Variants in WDFY4 observed in about 807,000 individuals in gnomAD.
The protein encoded by WDFY4 is WDFY family member 4, also known as WD repeat- and FYVE domain-containing protein 4.
WDFY4 carries 169 observed loss-of-function variants against 351.9 expected under a neutral mutation model. The observed-to-expected ratio is 0.48, with a 90% CI of 0.42 to 0.55. WDFY4 has a LOEUF of 0.55. WDFY4 is among the 20% of genes least tolerant of loss of function. WDFY4 has a pLI of 0.00. For synonymous variants in WDFY4, 1,622 were observed against 1,574.6 expected (o/e 1.03, Z -0.71); for missense variants, 3,803 against 3,935.6 (o/e 0.97, Z 0.90).
chr10:48,731,757 G>C (rs2064467929), intron 9 of WDFY4, among the ~76,000 whole-genome samples, 195 bp downstream of exon 9: 1 of 152,230 alleles, frequency 6.6e-6, no homozygotes, highest in Non-Finnish European at 1.5e-5. Context: ...TGAAAGGGAT[G>C]GGTGAACCTG....
At chr10:48,726,700 T>C (rs145961627) in intron 6 of WDFY4, among the ~76,000 whole-genome samples, 48 of 152,348 alleles carry the variant, frequency 3.2e-4, no homozygotes, top group South Asian at 6.2e-4. Flanking sequence ...GCTGATCTTA[T>C]TGGATTGTTG....
intron 43 of WDFY4, chr10:48,878,552 C>T (rs2070121550): frequency 6.6e-6 from 1 of 152,398 alleles, no homozygotes; most frequent in African/African-American, 2.4e-5. Context: ...CCAAAGCTTC[C>T]AGACACAGAG....
chr10:48,801,592 C>T, intron 24 of WDFY4: 1 of 450,238 alleles, frequency 2.2e-6, no homozygotes, highest in Non-Finnish European at 4.5e-6. Context: ...GGCAGCTGGC[C>T]CACCTCTGTG....
intron 47 of WDFY4, chr10:48,911,075 G>C (rs561635816): frequency 3.3e-5 from 7 of 211,972 alleles, no homozygotes; most frequent in African/African-American, 1.6e-4. Context: ...TACCTTTTGG[G>C]TCAGAGAAGA....
intron 47 of WDFY4, among the ~76,000 whole-genome samples, chr10:48,918,331 A>G (rs1404325809): frequency 6.6e-6 from 1 of 152,194 alleles, no homozygotes; most frequent in Non-Finnish European, 1.5e-5. Flanking sequence ...TATGTTGTCT[A>G]TAAAGAAAGT....
chr10:48,817,696 C>T (rs1470012567), intron 32 of WDFY4, among the ~76,000 whole-genome samples: 3 of 152,228 alleles, frequency 2.0e-5, no homozygotes, highest in African/African-American at 4.8e-5. Context: ...TACACAGGCA[C>T]TGACAAGGGG....
chr10:48,863,886 TG>T (rs1187619957), intron 39 of WDFY4, among the ~76,000 whole-genome samples: 2 of 151,976 alleles, frequency 1.3e-5, no homozygotes, highest in African/African-American at 4.8e-5. Flanking sequence ...CACAAGGTGG[TG>T]GGAAGGAGAA....
chr10:48,922,814 T>C (rs941356691), intron 47 of WDFY4, among the ~76,000 whole-genome samples: 1 of 152,200 alleles, frequency 6.6e-6, no homozygotes, highest in African/African-American at 2.4e-5. Context: ...AATGATTCCA[T>C]TTATGTCACC....
At chr10:48,745,767 C>T in intron 12 of WDFY4, 1 of 474,272 alleles carries the variant, frequency 2.1e-6, no homozygotes, top group Non-Finnish European at 3.9e-6. Context: ...GATGCACAGC[C>T]TTGCGGGCAG....
At chr10:48,710,184 G>A (rs2063733411) in intron 2 of WDFY4, among the ~76,000 whole-genome samples, 1 of 152,196 alleles carries the variant, frequency 6.6e-6, no homozygotes, top group South Asian at 2.1e-4. Flanking sequence ...TTTGGAGCCT[G>A]GGAAGTCCAA....
chr10:48,970,062 C>G, intron 56 of WDFY4, 69 bp from the exon 57 acceptor site: 3 of 1,509,008 alleles, frequency 2.0e-6, no homozygotes, highest in Admixed American at 4.1e-5. Flanking sequence ...CACATACCCC[C>G]GTGACTCTAT....
At chr10:48,834,223 A>G (rs1307022471) in intron 39 of WDFY4, among the ~76,000 whole-genome samples, 1 of 152,234 alleles carries the variant, frequency 6.6e-6, no homozygotes, top group African/African-American at 2.4e-5. Flanking sequence ...TAATAGCTGC[A>G]TCAGACAGGT....
chr10:48,841,980 A>G (rs577794070), intron 39 of WDFY4, among the ~76,000 whole-genome samples: 1 of 152,252 alleles, frequency 6.6e-6, no homozygotes, highest in East Asian at 1.9e-4. Context: ...ATCTTTGTAC[A>G]TGAAGATGCC....
intron 47 of WDFY4, among the ~76,000 whole-genome samples, chr10:48,915,820 T>C (rs529516231): frequency 1.3e-5 from 2 of 152,306 alleles, no homozygotes; most frequent in East Asian, 3.9e-4. Context: ...GCAGCATTGA[T>C]GTTCATTTAC....
At chr10:48,790,686 GCTGTGA>G (rs544579994) in intron 22 of WDFY4, 35 bp from the exon 23 acceptor site, 34 of 1,539,340 alleles carry the variant, frequency 2.2e-5, no homozygotes, top group Non-Finnish European at 2.8e-5. Flanking sequence ...TTGCAATGAA[GCTGTGA>G]CATGTTGATG....
At chr10:48,789,543 C>A (rs1481999564) in intron 21 of WDFY4, among the ~76,000 whole-genome samples, 1 of 152,194 alleles carries the variant, frequency 6.6e-6, no homozygotes, top group East Asian at 1.9e-4. Context: ...GCAGCCCTCA[C>A]CTTGGTAGCG....
In WDFY4 at chr10:48,720,001, G is replaced by A; in HGVS notation, c.235-10G>A. On this transcript the variant is annotated splice_polypyrimidine_tract_variant and intron_variant, in intron 2 of 61. Transcript: ENST00000325239. ...TGCTATCTCTGACCAAGTCCCATCT[G>A]TTGCTTCAGGCCTGGGAACACTCCG... The A allele has an allele frequency of 3.9e-6, 6 of 1,551,104 alleles. No individual in the cohort carries two copies. Among genetic ancestry groups the A allele is most frequent in the Non-Finnish European group, 4.4e-6 (5 of 1,146,500 alleles).
At chr10:48,821,613 T>G (rs574469358) in intron 34 of WDFY4, among the ~76,000 whole-genome samples, 1 of 152,312 alleles carries the variant, frequency 6.6e-6, no homozygotes, top group Admixed American at 6.5e-5. Flanking sequence ...AGCTTAAAAT[T>G]GAAGGTTCAT....
chr10:48,787,833 C>CTTCTTCTTCTTCTTCT (rs2066463757), intron 20 of WDFY4, among the ~76,000 whole-genome samples: 1 of 138,866 alleles, frequency 7.2e-6, no homozygotes, highest in East Asian at 2.1e-4. Flanking sequence ...TCTTCTTCTT[C>CTTCTTCTTCTTCTTCT]TTCTTCTTCT....
Sources: allele counts gnomAD v4.1 joint callset (sites outside exome capture counted in the v4.1 genomes callset), GRCh38; gene constraint gnomAD v4.1.1; transcripts MANE v1.5; gene names NCBI Gene and HGNC (gene_info 2026-07-23, HGNC 2026-07-21).